WHRN: variants seen among roughly 807,000 people sequenced by gnomAD.
WHRN encodes the protein CASK-interacting protein CIP98.
In WHRN, 41 loss-of-function variants were observed where a neutral mutation model predicts 68.3. The ratio of observed to expected loss-of-function variants is 0.60; its 90% CI spans 0.47 to 0.78. WHRN has a LOEUF of 0.78. WHRN is among the 30% of genes least tolerant of loss of function. WHRN has a pLI of 0.00. For synonymous variants in WHRN, 560 were observed against 561.3 expected, an observed-to-expected ratio of 1.00 and a Z score of 0.03; for missense variants, 1,243 against 1,244.7, an observed-to-expected ratio of 1.00 and a Z score of 0.02.
intron 2 of WHRN, among the ~76,000 whole-genome samples, chr9:114,466,788 A>G (rs1001506): frequency 0.68 from 103,224 of 151,998 alleles, 36,820 homozygotes; most frequent in East Asian, 0.93. Context: ...CGGGGTCTCA[A>G]TTAGGCTCCA....
intron 7 of WHRN, among the ~76,000 whole-genome samples, chr9:114,412,921 C>G (rs974693110): frequency 9.2e-5 from 14 of 152,344 alleles, no homozygotes; most frequent in Admixed American, 6.5e-4. Flanking sequence ...CAGCCCAATT[C>G]CGGGTTTCTA....
chr9:114,472,349 T>A (rs1242334118), intron 2 of WHRN, among the ~76,000 whole-genome samples: 6 of 152,192 alleles, frequency 3.9e-5, no homozygotes, highest in Non-Finnish European at 8.8e-5. Context: ...ATCTCACAGG[T>A]CTTGCTGCTG....
chr9:114,504,540 G>T lies in WHRN; in HGVS notation c.262C>A (p.Arg88=). The T allele has an allele frequency of 6.2e-7, 1 of 1,610,682 alleles. No homozygotes were observed. ...LRVLLDSPVK[R]RLLPMLRLVI... ...AGACGAAGCATGGGCAGCAGGCGCC[G>T]CTTGACCGGACTGTCCAGCAGCACG... Residue 88 remains arginine (R), a synonymous_variant, in exon 1 of 12, where the codon CGG becomes AGG. Coordinates refer to ENST00000362057, the MANE Select transcript of WHRN (RefSeq NM_015404.4).
In WHRN at chr9:114,402,457, C is replaced by T. The variant is rs891228644; in HGVS notation, c.*297G>A. ...GGGACAGCAGTGCCCCCAACCCAAC[C>T]TGGAGAAACCAGCACTCTGCCCTTC... is the stretch of plus-strand genomic sequence containing the variant. On this transcript the variant is annotated 3_prime_UTR_variant, in exon 12 of 12. Transcript: ENST00000362057. 12 of 452,858 alleles carry T rather than the reference C, an allele frequency of 2.6e-5. No individual in the cohort carries two copies. Among genetic ancestry groups the T allele is most frequent in the Non-Finnish European group, 4.1e-5 (10 of 244,492 alleles). The allele number at this position is 452,858 out of a possible 1,614,324, so 28.1% of individuals were successfully genotyped here.
At chr9:114,470,507 G>T (rs1162094350) in intron 2 of WHRN, among the ~76,000 whole-genome samples, 4 of 152,178 alleles carry the variant, frequency 2.6e-5, no homozygotes, top group African/African-American at 9.7e-5. Context: ...AGGCTCCAAA[G>T]TGGACTGCAG....
chr9:114,492,347 A>G (rs1289822446), intron 1 of WHRN, among the ~76,000 whole-genome samples: 5 of 152,234 alleles, frequency 3.3e-5, no homozygotes, highest in Admixed American at 2.0e-4. Flanking sequence ...TAAAGCAGCA[A>G]TATGGATAAT....
chr9:114,476,282 G>A (rs1841642027), intron 2 of WHRN, among the ~76,000 whole-genome samples: 1 of 151,952 alleles, frequency 6.6e-6, no homozygotes, highest in Non-Finnish European at 1.5e-5. Context: ...ATTCTTATAT[G>A]AGTTATTGAG....
intron 1 of WHRN, among the ~76,000 whole-genome samples, chr9:114,485,175 A>T (rs1285337187): frequency 6.6e-6 from 1 of 152,196 alleles, no homozygotes; most frequent in East Asian, 1.9e-4. Flanking sequence ...CTCTTTTCGG[A>T]AACAGAGACT....
intron 3 of WHRN, among the ~76,000 whole-genome samples, chr9:114,455,800 A>G (rs1839739714): frequency 6.6e-6 from 1 of 152,070 alleles, no homozygotes; most frequent in African/African-American, 2.4e-5. Context: ...TGATGGTGTT[A>G]TATCTCAATA....
At chr9:114,421,833 G>C (rs1272043638) in intron 7 of WHRN, among the ~76,000 whole-genome samples, 1 of 152,180 alleles carries the variant, frequency 6.6e-6, no homozygotes, top group Non-Finnish European at 1.5e-5. Context: ...AACTGCCTCT[G>C]CTGCAGCCAT....
Position 114,504,402 on chromosome 9 carries a change from C to A in WHRN, c.400G>T (p.Gly134Trp), listed in dbSNP as rs761031396. The stretch of plus-strand genomic sequence containing the variant: ...CTCACCAGGCGCACCTCCCCTGGCC[C>A]CGCGCTGTCGGGGCCGCCCCAGGCG... ...QPAWGGPDSAGPGEVRLVSLR... is the reference protein window; with the variant it reads ...QPAWGGPDSAWPGEVRLVSLR... The change falls in exon 1 of 12, where the codon GGG becomes TGG. Residue 134 changes from glycine to tryptophan, a missense_variant. Physicochemically the swap from Gly to Trp is radical, Grantham distance 184. Coordinates refer to ENST00000362057, the MANE Select transcript of WHRN (RefSeq NM_015404.4). 6.2e-7 allele frequency: 1 copy of A among 1,605,546 alleles called. No homozygotes were observed. Among genetic ancestry groups the A allele is most frequent in the Non-Finnish European group, 8.5e-7 (1 of 1,179,362 alleles).
At chr9:114,468,495 G>C (rs900126597) in intron 2 of WHRN, among the ~76,000 whole-genome samples, 1 of 152,094 alleles carries the variant, frequency 6.6e-6, no homozygotes, top group Admixed American at 6.6e-5. Flanking sequence ...TGTCAGGAAA[G>C]AGTCCAATAG....
chr9:114,501,154 T>C (rs1843886471), intron 1 of WHRN, among the ~76,000 whole-genome samples: 2 of 152,212 alleles, frequency 1.3e-5, no homozygotes, highest in African/African-American at 4.8e-5. Context: ...TAAGGCAGCA[T>C]CCCTGGTCTG....
chr9:114,496,390 A>C (rs1472219564), intron 1 of WHRN, among the ~76,000 whole-genome samples: 1 of 152,208 alleles, frequency 6.6e-6, no homozygotes, highest in Non-Finnish European at 1.5e-5. Context: ...AGATAGGAGC[A>C]ATTACGTTTT....
intron 10 of WHRN, 95 bp downstream of exon 10, chr9:114,403,801 A>C: frequency 6.7e-7 from 1 of 1,483,316 alleles, no homozygotes; most frequent in South Asian, 1.1e-5. Flanking sequence ...CTTTGTGGTC[A>C]CTTGCCAAGC....
intron 10 of WHRN, 70 bp from the exon 11 acceptor site, chr9:114,403,409 G>T: frequency 6.2e-7 from 1 of 1,602,992 alleles, no homozygotes; most frequent in South Asian, 1.1e-5. Flanking sequence ...GCTGGGCCGG[G>T]CCGTGACACC....
At chr9:114,416,955 C>A (rs1835861368) in intron 7 of WHRN, among the ~76,000 whole-genome samples, 1 of 152,172 alleles carries the variant, frequency 6.6e-6, no homozygotes, top group African/African-American at 2.4e-5. Context: ...TGGTAGGATC[C>A]CAGAATCTGT....
chr9:114,407,485 G>A (rs978354660), intron 8 of WHRN, among the ~76,000 whole-genome samples: 2 of 152,160 alleles, frequency 1.3e-5, no homozygotes, highest in African/African-American at 4.8e-5. Flanking sequence ...GCACAGTGAG[G>A]GGCAGCTATG....
intron 1 of WHRN, among the ~76,000 whole-genome samples, chr9:114,501,258 A>T (rs971014339): frequency 6.6e-6 from 1 of 152,116 alleles, no homozygotes; most frequent in Admixed American, 6.5e-5. Context: ...TGTTCAAGAT[A>T]TTTTTTCAAA....
Sources: allele counts gnomAD v4.1 joint callset (sites outside exome capture counted in the v4.1 genomes callset), GRCh38; gene constraint gnomAD v4.1.1; transcripts MANE v1.5; gene names NCBI Gene and HGNC (gene_info 2026-07-23, HGNC 2026-07-21).